NCALD: variants seen among roughly 807,000 people sequenced by gnomAD.
NCALD encodes the protein neurocalcin-delta.
NCALD carries 10 observed loss-of-function variants against 18.6 expected under a neutral mutation model. The ratio of observed to expected loss-of-function variants is 0.54; its 90% CI spans 0.33 to 0.91. The LOEUF is 0.91. Among genes scored for constraint, NCALD ranks in the 40% least tolerant of loss-of-function variants. The pLI is 0.03. For synonymous variants in NCALD, 88 were observed against 87.4 expected, an observed-to-expected ratio of 1.01 and a Z score of -0.04; for missense variants, 184 against 247.6, an observed-to-expected ratio of 0.74 and a Z score of 1.72.
Position 101,774,914 on chromosome 8 carries a change from G to T in NCALD, c.-20+15948C>A, listed in dbSNP as rs188694181. ...TGCCCTTTAGACTTGTCAACTTAGG[G>T]TGCCCAGATATCCAGGTCTGACAGC... On this transcript the variant is annotated intron_variant, in intron 1 of 3. Transcript: ENST00000220931. 1.6e-4 allele frequency among the ~76,000 whole-genome samples: 24 copies of T among 152,286 alleles called. No homozygotes were observed. The East Asian group carries it at 3.5e-3, about 22-fold the overall frequency.
intron 1 of NCALD, among the ~76,000 whole-genome samples, chr8:101,788,465 G>A: frequency 6.6e-6 from 1 of 152,058 alleles, no homozygotes; most frequent in South Asian, 2.1e-4. Flanking sequence ...TATCTTTTAT[G>A]CTCACCATTA....
intron 1 of NCALD, among the ~76,000 whole-genome samples, chr8:102,045,737 T>C (rs1331848183): frequency 6.6e-6 from 1 of 152,202 alleles, no homozygotes; most frequent in East Asian, 1.9e-4. Flanking sequence ...CACAATATTT[T>C]CCCTTAATAC....
At chr8:101,936,261 A>G (rs1249476269) in intron 2 of NCALD, among the ~76,000 whole-genome samples, 1 of 152,242 alleles carries the variant, frequency 6.6e-6, no homozygotes, top group African/African-American at 2.4e-5. Context: ...AGTAAGACCA[A>G]TCAGCAAGTT....
Position 101,830,608 on chromosome 8 carries a change from G to T in NCALD, c.-20+56533C>A, listed in dbSNP as rs1586593905. On this transcript the variant is annotated intron_variant, in intron 4 of 6. Transcript: ENST00000311028. ...TATTAGCTCAGATGACATTGTCATT[G>T]TTCTCAATCTCACATTATGGCTGAC... Among the ~76,000 whole-genome samples the T allele has an allele frequency of 2.0e-5, 3 of 152,032 alleles. No homozygotes were observed. In the South Asian group the frequency reaches 6.2e-4, roughly 32 times the overall value.
intron 2 of NCALD, among the ~76,000 whole-genome samples, chr8:101,997,438 G>A (rs1300959871): frequency 6.6e-6 from 1 of 152,028 alleles, no homozygotes; most frequent in Non-Finnish European, 1.5e-5. Flanking sequence ...ATCACCAATA[G>A]GGGAAGAAAA....
At chr8:101,960,053 T>C (rs1187295906) in intron 2 of NCALD, among the ~76,000 whole-genome samples, 2 of 152,176 alleles carry the variant, frequency 1.3e-5, no homozygotes, top group Admixed American at 6.5e-5. Flanking sequence ...TGGGCTAACA[T>C]GGTCCAGAAG....
At chr8:101,894,728 C>G (rs1261916271) in intron 3 of NCALD, among the ~76,000 whole-genome samples, 1 of 151,376 alleles carries the variant, frequency 6.6e-6, no homozygotes, top group African/African-American at 2.5e-5. Context: ...GAGAATACTA[C>G]AAACACCTCT....
intron 1 of NCALD, among the ~76,000 whole-genome samples, chr8:102,084,890 G>A (rs1824684961): frequency 6.6e-6 from 1 of 152,178 alleles, no homozygotes; most frequent in South Asian, 2.1e-4. Context: ...TCACCTGATG[G>A]TCTCCTGACT....
At chr8:101,900,090 G>A (rs1281278842) in intron 3 of NCALD, among the ~76,000 whole-genome samples, 2 of 151,834 alleles carry the variant, frequency 1.3e-5, no homozygotes, top group Non-Finnish European at 3.0e-5. Flanking sequence ...TGTATGAATT[G>A]TGGTAGTTTG....
intron 4 of NCALD, among the ~76,000 whole-genome samples, chr8:101,810,195 T>C (rs1813255570): frequency 6.6e-6 from 1 of 152,198 alleles, no homozygotes; most frequent in Admixed American, 6.6e-5. Flanking sequence ...AGGCACACTC[T>C]GAATTAAACA....
chr8:102,046,863 G>C (rs1823263961), intron 1 of NCALD, among the ~76,000 whole-genome samples: 2 of 144,614 alleles, frequency 1.4e-5, no homozygotes, highest in African/African-American at 5.1e-5. Context: ...TTACATAGTT[G>C]TTACATAGGT....
At chr8:102,097,420 C>T (rs889282094) in intron 1 of NCALD, among the ~76,000 whole-genome samples, 6 of 152,210 alleles carry the variant, frequency 3.9e-5, no homozygotes, top group Non-Finnish European at 5.9e-5. Flanking sequence ...GTTCCAACCA[C>T]GCGGGTGCTT....
intron 2 of NCALD, among the ~76,000 whole-genome samples, chr8:101,991,077 T>C (rs1380722604): frequency 6.6e-6 from 1 of 152,180 alleles, no homozygotes; most frequent in African/African-American, 2.4e-5. Flanking sequence ...AGTAATTTAT[T>C]TGGGTCTTAA....
At chr8:102,052,173 A>G (rs1384229702) in intron 1 of NCALD, among the ~76,000 whole-genome samples, 6 of 152,162 alleles carry the variant, frequency 3.9e-5, no homozygotes, top group Non-Finnish European at 8.8e-5. Context: ...ATTTTTTTTA[A>G]TTTTTAAGGA....
At chr8:102,023,274 G>T (rs946943907) in intron 1 of NCALD, among the ~76,000 whole-genome samples, 1 of 152,268 alleles carries the variant, frequency 6.6e-6, no homozygotes, top group East Asian at 1.9e-4. Context: ...GCCCAACTAG[G>T]CAACACTGGC....
At chr8:101,691,010 T>C (rs1186480381) in intron 3 of NCALD, 32 of 985,434 alleles carry the variant, frequency 3.2e-5, no homozygotes, top group Middle Eastern at 5.2e-4. Flanking sequence ...GGCCCAGATT[T>C]TTCTTTTCAA....
chr8:101,723,985 C>T (rs1312063991), intron 1 of NCALD, among the ~76,000 whole-genome samples: 1 of 152,180 alleles, frequency 6.6e-6, no homozygotes, highest in Non-Finnish European at 1.5e-5. Flanking sequence ...ACAATTAAGG[C>T]ATTTTTGCAA....
intron 4 of NCALD, among the ~76,000 whole-genome samples, chr8:101,859,923 G>A (rs1442170861): frequency 6.6e-6 from 1 of 152,152 alleles, no homozygotes; most frequent in Non-Finnish European, 1.5e-5. Flanking sequence ...GACCCCAATA[G>A]GGCATATCAT....
At chr8:101,714,717 C>CAT (rs1554611560) in intron 2 of NCALD, among the ~76,000 whole-genome samples, 73 of 151,594 alleles carry the variant, frequency 4.8e-4, no homozygotes, top group African/African-American at 1.5e-3. Flanking sequence ...AAGCTGGGGG[C>CAT]CGGGCACGGT....
Sources: allele counts gnomAD v4.1 joint callset (sites outside exome capture counted in the v4.1 genomes callset), GRCh38; gene constraint gnomAD v4.1.1; transcripts MANE v1.5; gene names NCBI Gene and HGNC (gene_info 2026-07-23, HGNC 2026-07-21).